Variants in VPS13B observed in about 807,000 individuals in gnomAD.
The protein encoded by VPS13B is vacuolar protein sorting 13 homolog B, also known as intermembrane lipid transfer protein VPS13B.
VPS13B carries 285 observed loss-of-function variants against 426.4 expected under a neutral mutation model. That is an observed-to-expected ratio of 0.67 (90% CI 0.61 to 0.74). VPS13B has a LOEUF of 0.74. VPS13B is among the 30% of genes least tolerant of loss of function. The pLI is 0.00. For synonymous variants in VPS13B, 1,676 were observed against 1,676.4 expected (o/e 1.00, Z 0.01); for missense variants, 4,537 against 4,782.6 (o/e 0.95, Z 1.51).
chr8:99,406,929 A>G (rs1815365245), intron 21 of VPS13B, among the ~76,000 whole-genome samples: 2 of 152,196 alleles, frequency 1.3e-5, no homozygotes, highest in African/African-American at 4.8e-5. Context: ...TTTCATTTGG[A>G]TGGGAACAGC....
chr8:99,824,545 AAG>A (rs1209907282), intron 51 of VPS13B, among the ~76,000 whole-genome samples: 1 of 152,150 alleles, frequency 6.6e-6, no homozygotes, highest in African/African-American at 2.4e-5. Flanking sequence ...TTAATATTTT[AAG>A]AGAGGAGAGA....
intron 19 of VPS13B, among the ~76,000 whole-genome samples, chr8:99,280,839 A>G (rs1335796179): frequency 6.6e-6 from 1 of 152,162 alleles, no homozygotes; most frequent in Non-Finnish European, 1.5e-5. Flanking sequence ...AACACATATT[A>G]TCTTACCTTT....
intron 23 of VPS13B, among the ~76,000 whole-genome samples, chr8:99,464,092 G>T (rs1046205891): frequency 6.6e-6 from 1 of 152,048 alleles, no homozygotes; most frequent in Non-Finnish European, 1.5e-5. Context: ...TCTTTCTCTC[G>T]AGTGTTATAC....
At chr8:99,302,890 G>A (rs911961001) in intron 19 of VPS13B, among the ~76,000 whole-genome samples, 27 of 152,114 alleles carry the variant, frequency 1.8e-4, no homozygotes, top group African/African-American at 6.3e-4. Context: ...TATTGCTTTA[G>A]CACCATCCTA....
chr8:99,437,585 G>A (rs1210473122), intron 22 of VPS13B, among the ~76,000 whole-genome samples: 1 of 152,012 alleles, frequency 6.6e-6, no homozygotes, highest in African/African-American at 2.4e-5. Context: ...GGGCTTGGTG[G>A]TGCCCACCTG....
chr8:99,613,721 T>C (rs1827939922), intron 33 of VPS13B: 1 of 152,194 alleles, frequency 6.6e-6, no homozygotes, highest in Non-Finnish European at 1.5e-5. Context: ...TGGTTTCTTT[T>C]AACGTGGTGA....
At chr8:99,556,679 A>G in intron 31 of VPS13B, 26 bp downstream of exon 31, 11 of 1,606,240 alleles carry the variant, frequency 6.8e-6, no homozygotes, top group Non-Finnish European at 9.4e-6. Context: ...GAAACTTTCT[A>G]CTCTTTCTAA....
intron 21 of VPS13B, among the ~76,000 whole-genome samples, chr8:99,409,706 TA>T (rs1161013010): frequency 6.6e-6 from 1 of 152,196 alleles, no homozygotes; most frequent in Non-Finnish European, 1.5e-5. Flanking sequence ...GCAGATCAAG[TA>T]AACATATTTA....
At chr8:99,853,406 A>G (rs1278999274) in intron 55 of VPS13B, 45 bp from the exon 56 acceptor site, 1 of 1,601,274 alleles carries the variant, frequency 6.2e-7, no homozygotes, top group Admixed American at 1.7e-5. Flanking sequence ...GAGAGAAAGA[A>G]AAGGTGAGTG....
At chr8:99,667,140 T>A (rs1293068082) in intron 35 of VPS13B, among the ~76,000 whole-genome samples, 1 of 152,206 alleles carries the variant, frequency 6.6e-6, no homozygotes, top group Non-Finnish European at 1.5e-5. Context: ...CTGGGGAGTT[T>A]GTTAAAATGC....
chr8:99,183,314 TTTTG>T (rs1330463263), intron 16 of VPS13B, among the ~76,000 whole-genome samples: 31 of 152,314 alleles, frequency 2.0e-4, no homozygotes, highest in African/African-American at 7.2e-4. Context: ...TTAATGGGGT[TTTTG>T]TTTGTTTTTC....
At chr8:99,144,941 T>C (rs560674322) in intron 13 of VPS13B, among the ~76,000 whole-genome samples, 1 of 152,344 alleles carries the variant, frequency 6.6e-6, no homozygotes, top group African/African-American at 2.4e-5. Flanking sequence ...GAAAGTTTTC[T>C]CTGAAGTTTA....
At chr8:99,673,367 G>A (rs1037859587) in intron 35 of VPS13B, among the ~76,000 whole-genome samples, 2 of 151,930 alleles carry the variant, frequency 1.3e-5, no homozygotes, top group African/African-American at 2.4e-5. Context: ...TACATTGTAT[G>A]TGTCCCGGAA....
At chr8:99,854,492 T>C (rs1816451206) in intron 56 of VPS13B, among the ~76,000 whole-genome samples, 1 of 152,208 alleles carries the variant, frequency 6.6e-6, no homozygotes, top group Non-Finnish European at 1.5e-5. Context: ...AAAATGGCTT[T>C]GAAGATTTCT....
intron 27 of VPS13B, among the ~76,000 whole-genome samples, chr8:99,506,060 C>T (rs1228233475): frequency 6.6e-6 from 1 of 151,984 alleles, no homozygotes. Flanking sequence ...TGCCTGCAAC[C>T]CAGTTGATGG....
intron 29 of VPS13B, 79 bp from the exon 30 acceptor site, chr8:99,520,820 T>C (rs1830439782): frequency 1.8e-6 from 2 of 1,095,780 alleles, no homozygotes; most frequent in Admixed American, 1.7e-5. Context: ...TCTATTCCAT[T>C]CCCTCAAAGA....
At chr8:99,369,652 T>C (rs1813074697) in intron 19 of VPS13B, among the ~76,000 whole-genome samples, 1 of 152,308 alleles carries the variant, frequency 6.6e-6, no homozygotes, top group Admixed American at 6.5e-5. Flanking sequence ...GAAAAGGCTC[T>C]TCATAAAAGA....
intron 19 of VPS13B, among the ~76,000 whole-genome samples, chr8:99,336,031 C>A (rs202218582): frequency 1.2e-4 from 18 of 152,034 alleles, no homozygotes; most frequent in Non-Finnish European, 2.4e-4. Flanking sequence ...GTTCATATGG[C>A]ACCAAAAAAG....
chr8:99,274,440 A>G lies in VPS13B; in HGVS notation c.2650+108A>G. On this transcript the variant is annotated intron_variant, in intron 18 of 61. Transcript: ENST00000357162. ...AAGAATTTACTCACTGTTGCTATGA[A>G]TCAGACGTTTTAAATTTTTACTTAG... is the stretch of plus-strand genomic sequence containing the variant. The G allele has an allele frequency of 4.5e-6, 7 of 1,540,400 alleles. 1 individual carries two copies. In the South Asian group the frequency reaches 8.1e-5, roughly 18 times the overall value.
Sources: allele counts gnomAD v4.1 joint callset (sites outside exome capture counted in the v4.1 genomes callset), GRCh38; gene constraint gnomAD v4.1.1; transcripts MANE v1.5; gene names NCBI Gene and HGNC (gene_info 2026-07-23, HGNC 2026-07-21).